TMEM232: variants seen among roughly 807,000 people sequenced by gnomAD.
TMEM232 encodes transmembrane protein 232.
In TMEM232, 80 loss-of-function variants were observed where a neutral mutation model predicts 78.8. The ratio of observed to expected loss-of-function variants is 1.01; its 90% CI spans 0.85 to 1.22. The LOEUF (loss-of-function observed/expected upper bound fraction) is 1.22. TMEM232 is among the 50% of genes most tolerant of loss of function. TMEM232 has a pLI of 0.00. For synonymous variants in TMEM232, 297 were observed against 254.3 expected (o/e 1.17, Z -1.60); for missense variants, 881 against 742.2 (o/e 1.19, Z -2.17).
At chr5:110,530,322 G>A (rs964567098) in intron 11 of TMEM232, among the ~76,000 whole-genome samples, 7 of 152,162 alleles carry the variant, frequency 4.6e-5, no homozygotes, top group Non-Finnish European at 8.8e-5. Context: ...CATTTACAAA[G>A]GATAAGGTGA....
intron 12 of TMEM232, among the ~76,000 whole-genome samples, chr5:110,525,325 A>G (rs1561626340): frequency 6.6e-6 from 1 of 152,050 alleles, no homozygotes; most frequent in Admixed American, 6.5e-5. Flanking sequence ...TAGAAAACTT[A>G]AATTCAATGA....
At chr5:110,587,572 G>A (rs1778965463) in intron 10 of TMEM232, among the ~76,000 whole-genome samples, 1 of 150,634 alleles carries the variant, frequency 6.6e-6, no homozygotes. Flanking sequence ...CTCTTTCCTT[G>A]AAAATAGAAG....
Position 110,460,357 on chromosome 5 carries a change from G to A in TMEM232, c.1704-35441C>T, listed in dbSNP as rs527500181. Among the ~76,000 whole-genome samples, 72 of 151,786 alleles carry A rather than the reference G, an allele frequency of 4.7e-4. No individual in the cohort carries two copies. The East Asian group carries it at 0.011, about 23-fold the overall frequency. ...GGAAATGAATGATAAAGTAAATGAGGCAATATGTAAACATTTGTGAATCTG... is the reference window on the plus strand; with the variant it reads ...GGAAATGAATGATAAAGTAAATGAGACAATATGTAAACATTTGTGAATCTG... On this transcript the variant is annotated intron_variant, in intron 12 of 13. Coordinates refer to ENST00000455884, the MANE Select transcript of TMEM232 (RefSeq NM_001039763.4).
intron 12 of TMEM232, among the ~76,000 whole-genome samples, chr5:110,471,408 A>C (rs558102288): frequency 1.3e-4 from 20 of 152,220 alleles, no homozygotes; most frequent in African/African-American, 4.6e-4. Context: ...ATGAAGCTCA[A>C]AGGTCCCCAA....
intron 2 of TMEM232, among the ~76,000 whole-genome samples, chr5:110,660,478 G>C (rs1480916543): frequency 6.6e-6 from 1 of 151,646 alleles, no homozygotes; most frequent in Non-Finnish European, 1.5e-5. Flanking sequence ...CCAGAAAGGA[G>C]GCCTAAGAAG....
At chr5:110,605,706 C>A (rs1019650328) in intron 9 of TMEM232, among the ~76,000 whole-genome samples, 6 of 152,162 alleles carry the variant, frequency 3.9e-5, no homozygotes, top group African/African-American at 1.4e-4. Context: ...TCATAGGAAT[C>A]CAAGAAAGTT....
intron 1 of TMEM232, among the ~76,000 whole-genome samples, chr5:110,686,303 A>T (rs2150202958): frequency 6.6e-6 from 1 of 152,176 alleles, no homozygotes; most frequent in African/African-American, 2.4e-5. Context: ...GACATGCAGA[A>T]TCCAGCCACC....
intron 2 of TMEM232, among the ~76,000 whole-genome samples, chr5:110,733,133 A>G (rs1404248942): frequency 6.6e-6 from 1 of 152,202 alleles, no homozygotes; most frequent in East Asian, 1.9e-4. Context: ...TTCCCATCTC[A>G]TGCCAGTCAG....
intron 12 of TMEM232, among the ~76,000 whole-genome samples, chr5:110,468,767 TGTCA>T (rs1762360297): frequency 6.6e-6 from 1 of 152,168 alleles, no homozygotes; most frequent in Admixed American, 6.5e-5. Context: ...TTAGGAATAA[TGTCA>T]GTAAGATGGC....
At chr5:110,520,257 T>C (rs1166149993) in intron 12 of TMEM232, among the ~76,000 whole-genome samples, 1 of 152,054 alleles carries the variant, frequency 6.6e-6, no homozygotes, top group Non-Finnish European at 1.5e-5. Flanking sequence ...ATGCTTGTTT[T>C]AAAATATCAC....
chr5:110,698,068 A>T (rs1194635503), intron 1 of TMEM232, among the ~76,000 whole-genome samples: 1 of 152,262 alleles, frequency 6.6e-6, no homozygotes, highest in Non-Finnish European at 1.5e-5. Context: ...CTGGATTAAG[A>T]AAATGTGGCA....
Position 110,618,482 on chromosome 5 carries a change from A to T in TMEM232, c.849T>A (p.Asn283Lys), listed in dbSNP as rs1331766943. The T allele has an allele frequency of 6.4e-7, 1 of 1,551,612 alleles. No individual in the cohort carries two copies. The highest frequency in any genetic ancestry group is 8.7e-7 in the Non-Finnish European group (1 of 1,146,884). The part of the protein sequence containing the change: ...SCVQNNSPQL[N>K]NVLEHLVFHK... The stretch of plus-strand genomic sequence containing the variant: ...GGAAGACGAGATGTTCAAGCACGTT[A>T]TTCAACTGAGGACTGTTATTCTGAA... Residue 283 changes from asparagine to lysine, a missense_variant, in exon 8 of 14, where the codon AAT becomes AAA. Transcript: ENST00000455884.
At chr5:110,564,393 A>G (rs571789313) in intron 11 of TMEM232, among the ~76,000 whole-genome samples, 1 of 152,012 alleles carries the variant, frequency 6.6e-6, no homozygotes, top group Non-Finnish European at 1.5e-5. Context: ...CTATTTCAAA[A>G]TGGCTTTCTT....
chr5:110,665,231 G>T (rs556918913), intron 2 of TMEM232, among the ~76,000 whole-genome samples: 1 of 152,134 alleles, frequency 6.6e-6, no homozygotes, highest in East Asian at 1.9e-4. Flanking sequence ...TTTTGATCTA[G>T]CAAGTTATTT....
chr5:110,420,811 A>G (rs939222092), intron 13 of TMEM232, 55 bp from the exon 14 acceptor site: 7 of 1,470,156 alleles, frequency 4.8e-6, no homozygotes, highest in Non-Finnish European at 6.2e-6. Flanking sequence ...AATGCATATC[A>G]GTTTAGCTGC....
chr5:110,693,148 A>G (rs1484856676), intron 1 of TMEM232, among the ~76,000 whole-genome samples: 1 of 152,196 alleles, frequency 6.6e-6, no homozygotes, highest in African/African-American at 2.4e-5. Flanking sequence ...CGGTTCACCA[A>G]TATCCACTGT....
At chr5:110,549,487 C>T (rs976375786) in intron 11 of TMEM232, among the ~76,000 whole-genome samples, 3 of 151,096 alleles carry the variant, frequency 2.0e-5, no homozygotes, top group African/African-American at 7.3e-5. Context: ...TGATGGCCTG[C>T]ATGTGCAGTC....
intron 12 of TMEM232, among the ~76,000 whole-genome samples, chr5:110,468,961 A>C (rs536585792): frequency 5.5e-4 from 84 of 152,330 alleles, no homozygotes; most frequent in African/African-American, 2.0e-3. Context: ...GGCCTTCACT[A>C]ATTCATCCCT....
At chr5:110,599,379 C>G (rs1039685905) in intron 10 of TMEM232, among the ~76,000 whole-genome samples, 1 of 152,018 alleles carries the variant, frequency 6.6e-6, no homozygotes, top group South Asian at 2.1e-4. Context: ...GACTAGAAAA[C>G]TGGATAAAGA....
Sources: gnomAD v4.1 joint callset for allele counts (sites outside exome capture counted in the v4.1 genomes callset) on GRCh38, gnomAD v4.1.1 for gene constraint, MANE v1.5 for transcripts, NCBI Gene and HGNC (gene_info 2026-07-23, HGNC 2026-07-21) for gene names.